Variants in PARP4 observed in about 807,000 individuals in gnomAD.
PARP4 encodes protein mono-ADP-ribosyltransferase PARP4.
Under a neutral mutation model 187.7 loss-of-function variants are expected in PARP4, and 120 were observed. The observed-to-expected ratio is 0.64, with a 90% confidence interval of 0.55 to 0.74. The LOEUF (loss-of-function observed/expected upper bound fraction) is 0.74, where lower values mean the gene tolerates loss of function less well. PARP4 is among the 30% of genes least tolerant of loss of function. The pLI is 0.00. For synonymous variants in PARP4, 654 were observed against 740.9 expected (o/e 0.88, Z 1.90); for missense variants, 1,836 against 2,070.5 (o/e 0.89, Z 2.20).
Position 24,446,740 on chromosome 13 carries a change from G to A in PARP4, c.3307C>T (p.Gln1103Ter). ...ACCATTGTACGAAATTCTTTCTCTTGAATTAGTGCACACAGAGTTGCCTGA... is the reference window on the plus strand; with the variant it reads ...ACCATTGTACGAAATTCTTTCTCTTAAATTAGTGCACACAGAGTTGCCTGA... The part of the protein sequence containing the change: ...CTQATLCALI[Q>*]EKEFRTMVST... The change falls in exon 27 of 34, where the codon CAA becomes TAA. Residue 1103 changes from glutamine (Q) to a stop codon, truncating the protein, a stop_gained. Transcript: ENST00000381989. LOFTEE classifies it high-confidence loss of function. 6.3e-7 allele frequency: 1 copy of A among 1,596,670 alleles called. No individual in the cohort carries two copies. Among genetic ancestry groups the A allele is most frequent in the South Asian group, 1.1e-5 (1 of 90,654 alleles).
At chr13:24,453,394 T>C (rs1177049713) in intron 23 of PARP4, among the ~76,000 whole-genome samples, 193 bp downstream of exon 23, 6 of 152,122 alleles carry the variant, frequency 3.9e-5, no homozygotes, top group Non-Finnish European at 8.8e-5. Flanking sequence ...ATTTTTTTTT[T>C]CTATTCTTTT....
Position 24,501,706 on chromosome 13 carries a change from C to T in PARP4, c.261G>A (p.Leu87=). The T allele has an allele frequency of 6.2e-7, 1 of 1,613,194 alleles. No individual in the cohort carries two copies. The highest frequency in any genetic ancestry group is 1.1e-5 in the South Asian group (1 of 91,042). The stretch of plus-strand genomic sequence containing the variant: ...TATAAGGATCATAATTCTTTACATC[C>T]AAGAGTCTCTTTTCCCTGATAGATT... ...IWKSIREKRL[L]DVKNYDPYKP... The change falls in exon 3 of 34, where the codon TTG becomes TTA. Residue 87 remains leucine (L), a synonymous_variant. Coordinates refer to ENST00000381989, the MANE Select transcript of PARP4 (RefSeq NM_006437.4).
chr13:24,452,579 G>A lies in PARP4; in HGVS notation c.2841C>T (p.Thr947=), dbSNP rs1327878499. The A allele has an allele frequency of 6.2e-7, 1 of 1,612,842 alleles. No individual in the cohort carries two copies. The highest frequency in any genetic ancestry group is 1.3e-5 in the African/African-American group (1 of 74,870). Reference sequence around the variant, plus strand: ...TTTTCCAGAAGTCTGTGTTCCCCATGGTAGGTGTGGCAGACTGGAGGAAAT... The same window carrying A: ...TTTTCCAGAAGTCTGTGTTCCCCATAGTAGGTGTGGCAGACTGGAGGAAAT... ...AAEFIMSATP[T]MGNTDFWKTL... Residue 947 remains threonine, a synonymous_variant, in exon 24 of 34, where the codon ACC becomes ACT. Coordinates refer to ENST00000381989, the MANE Select transcript of PARP4 (RefSeq NM_006437.4).
rs1256027730 is a variant in PARP4 at position 24,490,661 on chromosome 13, T to C, written c.1214+7A>G. On this transcript the variant is annotated splice_region_variant and intron_variant, in intron 10 of 33. Transcript: ENST00000381989. ...AACAGATCCTGAGATATTTCCTTTA[T>C]GCTTACCTGTGATGATTCTGCAAAA... The C allele has an allele frequency of 1.4e-5, 22 of 1,607,028 alleles. No individual in the cohort carries two copies. The highest frequency in any genetic ancestry group is 1.7e-5 in the Non-Finnish European group (20 of 1,174,002).
At chr13:24,446,353 T>C (rs1335180075) in intron 27 of PARP4, among the ~76,000 whole-genome samples, 5 of 152,178 alleles carry the variant, frequency 3.3e-5, no homozygotes, top group Non-Finnish European at 7.3e-5. Context: ...CTCCATATTG[T>C]GTAATGAAAT....
rs575158161 is a variant in PARP4, at chr13:24,437,972, G to T, written c.3667-2498C>A. The stretch of plus-strand genomic sequence containing the variant: ...AGGGTTTCACCATGTTGGCCAGGCT[G>T]GTCTTGAACTCCTGATCTCAGGTGA... On this transcript the variant is annotated intron_variant, in intron 30 of 33. Coordinates refer to ENST00000381989, the MANE Select transcript of PARP4 (RefSeq NM_006437.4). Among the ~76,000 whole-genome samples, 3 of 152,248 alleles carry T rather than the reference G, an allele frequency of 2.0e-5. No individual in the cohort carries two copies. In the South Asian group the frequency reaches 6.2e-4, roughly 32 times the overall value.
intron 4 of PARP4, among the ~76,000 whole-genome samples, chr13:24,499,633 G>A (rs745359027): frequency 1.7e-4 from 26 of 152,156 alleles, no homozygotes; most frequent in Admixed American, 7.2e-4. Flanking sequence ...GTCTGCACTG[G>A]AAGATGGTCT....
intron 26 of PARP4, 81 bp from the exon 27 acceptor site, chr13:24,446,842 T>G: frequency 5.1e-6 from 7 of 1,375,960 alleles, no homozygotes; most frequent in Non-Finnish European, 6.1e-6. Flanking sequence ...CTTTTGGTGA[T>G]TTTCTCTCCC....
In PARP4 at chr13:24,478,086, A is replaced by C. The variant is rs754044800; in HGVS notation, c.1632+7T>G. ...CCCTCTTTGCTTCTTCCTTGAAATA[A>C]AAATACCTCAAAGTCTGTGGTGACA... On this transcript the variant is annotated splice_region_variant and intron_variant, in intron 13 of 33. Transcript: ENST00000381989. 102 of 1,574,958 alleles carry C rather than the reference A, an allele frequency of 6.5e-5. No individual in the cohort carries two copies. The highest frequency in any genetic ancestry group is 8.1e-5 in the Non-Finnish European group (94 of 1,159,580).
intron 27 of PARP4, among the ~76,000 whole-genome samples, chr13:24,446,374 G>A (rs1022364984): frequency 6.6e-6 from 1 of 152,140 alleles, no homozygotes; most frequent in African/African-American, 2.4e-5. Flanking sequence ...TTCAACACAG[G>A]AAAACAACAA....
intron 17 of PARP4, among the ~76,000 whole-genome samples, chr13:24,465,488 G>A (rs1243632348): frequency 6.6e-6 from 1 of 152,144 alleles, no homozygotes; most frequent in East Asian, 1.9e-4. Context: ...GAATGAAGCT[G>A]GAAGCCATTA....
At position 24,455,067 on chromosome 13, in the gene PARP4, A is replaced by G; in HGVS notation, c.2708T>C (p.Leu903Pro). 2 of 1,612,614 alleles carry G rather than the reference A, an allele frequency of 1.2e-6. No homozygotes were observed. Among genetic ancestry groups the G allele is most frequent in the Non-Finnish European group, 1.7e-6 (2 of 1,178,794 alleles). ...LQAKQIALHA[L>P]SLVGEKQKVN... ...TTTCTGCTTCTCACCCACCAAGGAC[A>G]GCGCATGCAAGGCGATTTGCTTGGC... Residue 903 changes from leucine (L) to proline (P), a missense_variant, in exon 22 of 34, where the codon CTG (leucine) becomes CCG (proline). Leu to Pro is a moderately conservative substitution (Grantham distance 98). Around this residue, in one of 8 missense-constraint regions of PARP4, gnomAD observed 1,147 missense variants for 1,214.2 expected, o/e 0.94. Transcript: ENST00000381989.
At chr13:24,424,856 AT>A (rs1157128298) in intron 33 of PARP4, among the ~76,000 whole-genome samples, 1 of 121,970 alleles carries the variant, frequency 8.2e-6, no homozygotes, top group African/African-American at 3.2e-5. Flanking sequence ...TTTTTTTTGT[AT>A]TTTTTTTAGT....
At chr13:24,475,719 T>C in intron 14 of PARP4, 123 bp from the exon 15 acceptor site, 2 of 975,960 alleles carry the variant, frequency 2.0e-6, no homozygotes, top group Non-Finnish European at 3.1e-6. Context: ...GCAAATAGCA[T>C]TTTATGATTT....
intron 30 of PARP4, among the ~76,000 whole-genome samples, chr13:24,436,007 T>C (rs1467558224): frequency 6.6e-6 from 1 of 151,842 alleles, no homozygotes; most frequent in East Asian, 1.9e-4. Context: ...TTTCTAGACA[T>C]GGAAGCTGAG....
chr13:24,432,711 T>C (rs770717635), intron 31 of PARP4, among the ~76,000 whole-genome samples: 4 of 151,744 alleles, frequency 2.6e-5, no homozygotes, highest in Non-Finnish European at 5.9e-5. Context: ...AACATGAAAA[T>C]GACAGTTTTT....
Position 24,420,973 on chromosome 13 carries a change from G to T in PARP4, c.*146C>A. 1 of 973,850 alleles carries T rather than the reference G, an allele frequency of 1.0e-6. No homozygotes were observed. The highest frequency in any genetic ancestry group is 1.4e-6 in the Non-Finnish European group (1 of 732,604). The allele number at this position is 973,850 out of a possible 1,614,324, so 60.3% of individuals were successfully genotyped here. On this transcript the variant is annotated 3_prime_UTR_variant, in exon 34 of 34. Transcript: ENST00000381989. ...TATTATTGCTTGTTAGTTGATTAAA[G>T]TAATTCTTCTTCCACTTAATTTTTA...
intron 25 of PARP4, among the ~76,000 whole-genome samples, chr13:24,448,781 T>C (rs9511276): frequency 0.9 from 136,483 of 152,254 alleles, 61,844 homozygotes; most frequent in East Asian, 0.98. Flanking sequence ...GAATATTATT[T>C]AGCTTTAAAA....
chr13:24,471,914 CAT>C (rs1872742367), intron 15 of PARP4, among the ~76,000 whole-genome samples: 1 of 152,158 alleles, frequency 6.6e-6, no homozygotes, highest in South Asian at 2.1e-4. Context: ...CCATTTTACA[CAT>C]GAGGAAAACG....
Sources: allele counts gnomAD v4.1 joint callset (sites outside exome capture counted in the v4.1 genomes callset), GRCh38; gene constraint gnomAD v4.1.1; regional missense constraint gnomAD v4.1.1; transcripts MANE v1.5; gene names NCBI Gene and HGNC (gene_info 2026-07-23, HGNC 2026-07-21).